LRBA: variants seen among roughly 807,000 people sequenced by gnomAD.
LRBA encodes LPS responsive beige-like anchor protein.
In LRBA, 176 loss-of-function variants were observed where a neutral mutation model predicts 330.0. The ratio of observed to expected loss-of-function variants is 0.53; its 90% confidence interval spans 0.47 to 0.60. LRBA has a LOEUF of 0.60. LRBA is among the 20% of genes least tolerant of loss of function. The pLI is 0.00. For synonymous variants in LRBA, 1,230 were observed against 1,193.0 expected (o/e 1.03, Z -0.64); for missense variants, 3,259 against 3,444.8 (o/e 0.95, Z 1.35).
chr4:150,657,100 G>T (rs1188672119), intron 37 of LRBA, among the ~76,000 whole-genome samples: 1 of 152,136 alleles, frequency 6.6e-6, no homozygotes, highest in Non-Finnish European at 1.5e-5. Context: ...CACAGAAGGG[G>T]GAAGTACAAG....
At chr4:150,905,777 C>T in intron 13 of LRBA, 61 bp downstream of exon 13, 1 of 1,387,408 alleles carries the variant, frequency 7.2e-7, no homozygotes, top group Non-Finnish European at 9.9e-7. Flanking sequence ...AATTATCACT[C>T]TCCTCACGCA....
At chr4:150,818,746 T>C (rs1224357178) in intron 30 of LRBA, among the ~76,000 whole-genome samples, 1 of 152,038 alleles carries the variant, frequency 6.6e-6, no homozygotes, top group Non-Finnish European at 1.5e-5. Flanking sequence ...ACTTTCACAT[T>C]TGTTCACAAA....
At chr4:150,600,987 G>T (rs2126520569) in intron 37 of LRBA, among the ~76,000 whole-genome samples, 1 of 152,296 alleles carries the variant, frequency 6.6e-6, no homozygotes, top group South Asian at 2.1e-4. Context: ...GCCTTCAGGG[G>T]AATGATACAA....
At chr4:150,630,991 T>C (rs773797690) in intron 37 of LRBA, among the ~76,000 whole-genome samples, 3 of 152,122 alleles carry the variant, frequency 2.0e-5, no homozygotes, top group Non-Finnish European at 4.4e-5. Flanking sequence ...ATGGGTTTTG[T>C]ACAAACATAA....
chr4:150,837,498 A>T (rs1369917112), intron 28 of LRBA, among the ~76,000 whole-genome samples: 4 of 152,178 alleles, frequency 2.6e-5, no homozygotes, highest in African/African-American at 9.7e-5. Flanking sequence ...GTGCATATAT[A>T]TTTAGGATAG....
rs1745196726 is a variant in LRBA at position 151,014,381 on chromosome 4, A to T, written c.216+46T>A. The stretch of plus-strand genomic sequence containing the variant: ...CTCCAGCTTTAAGATCTTGTTCCCC[A>T]ACCCACTGAAAAGAGTATATGCTTA... On this transcript the variant is annotated intron_variant, in intron 2 of 56. Coordinates refer to ENST00000651943, the MANE Select transcript of LRBA (RefSeq NM_001364905.1). 6.0e-6 allele frequency: 9 copies of T among 1,492,204 alleles called. No homozygotes were observed. The East Asian group carries it at 2.0e-4, about 34-fold the overall frequency. 92.4% of individuals were successfully genotyped at this position (1,492,204 alleles called of 1,614,324 possible).
Position 150,315,553 on chromosome 4 carries a change from T to C in LRBA, c.7693+8A>G, listed in dbSNP as rs761698788. Reference sequence around the variant, plus strand: ...AATGAATCGCAAAGAGAGAAGGAAGTGACAGACCTATGAGAGGATCGATTT... The same window carrying C: ...AATGAATCGCAAAGAGAGAAGGAAGCGACAGACCTATGAGAGGATCGATTT... On this transcript the variant is annotated splice_region_variant and intron_variant, in intron 51 of 56. Transcript: ENST00000651943. The C allele has an allele frequency of 6.2e-7, 1 of 1,610,646 alleles. No individual in the cohort carries two copies. The highest frequency in any genetic ancestry group is 2.2e-5 in the East Asian group (1 of 44,826).
intron 2 of LRBA, among the ~76,000 whole-genome samples, chr4:150,955,330 G>A (rs534392505): frequency 6.7e-6 from 1 of 149,196 alleles, no homozygotes; most frequent in Non-Finnish European, 1.5e-5. Context: ...GAATGAAAAT[G>A]AAGATACAAC....
intron 47 of LRBA, among the ~76,000 whole-genome samples, chr4:150,355,747 T>C (rs1737751465): frequency 2.0e-5 from 3 of 152,110 alleles, no homozygotes; most frequent in African/African-American, 2.4e-5. Context: ...GTATTTATAA[T>C]GAATGAAACA....
chr4:150,802,346 G>C (rs569502888), intron 33 of LRBA, among the ~76,000 whole-genome samples: 1 of 149,678 alleles, frequency 6.7e-6, no homozygotes, highest in Non-Finnish European at 1.5e-5. Flanking sequence ...TCTAGCATTC[G>C]TGGGTTTTTT....
chr4:150,492,648 A>G (rs1008670562), intron 40 of LRBA, among the ~76,000 whole-genome samples: 4 of 152,164 alleles, frequency 2.6e-5, no homozygotes, highest in African/African-American at 4.8e-5. Flanking sequence ...AGATCACATC[A>G]TTCCTATATT....
At chr4:150,671,534 A>G (rs1782067429) in intron 37 of LRBA, among the ~76,000 whole-genome samples, 1 of 152,216 alleles carries the variant, frequency 6.6e-6, no homozygotes, top group African/African-American at 2.4e-5. Context: ...ACATGTGATA[A>G]CAATTTTTAT....
At chr4:150,528,579 T>A (rs1219328248) in intron 40 of LRBA, among the ~76,000 whole-genome samples, 4 of 152,110 alleles carry the variant, frequency 2.6e-5, no homozygotes, top group African/African-American at 4.8e-5. Flanking sequence ...TAAGTTTTTT[T>A]AAATAGCAGC....
chr4:150,824,532 T>C (rs1745947208), intron 30 of LRBA, among the ~76,000 whole-genome samples: 1 of 152,222 alleles, frequency 6.6e-6, no homozygotes, highest in Non-Finnish European at 1.5e-5. Context: ...CTGTTCCATA[T>C]GATACTAGCT....
At chr4:150,615,141 C>T (rs183126574) in intron 37 of LRBA, among the ~76,000 whole-genome samples, 1 of 152,182 alleles carries the variant, frequency 6.6e-6, no homozygotes. Context: ...GAGGCAGACA[C>T]ACTTGGTGAA....
At chr4:150,559,947 A>AT (rs1323521530) in intron 40 of LRBA, among the ~76,000 whole-genome samples, 1 of 101,002 alleles carries the variant, frequency 9.9e-6, no homozygotes, top group Non-Finnish European at 1.8e-5. Context: ...TATCTATATA[A>AT]ATATATATAT....
chr4:150,524,090 G>T (rs1763208115), intron 40 of LRBA, among the ~76,000 whole-genome samples: 1 of 152,160 alleles, frequency 6.6e-6, no homozygotes, highest in African/African-American at 2.4e-5. Context: ...TTTCAAGGTT[G>T]TTTTAAGCTT....
chr4:150,881,131 T>C (rs771197213), intron 17 of LRBA, among the ~76,000 whole-genome samples: 4 of 152,142 alleles, frequency 2.6e-5, no homozygotes, highest in South Asian at 2.1e-4. Flanking sequence ...TCAAAAAACT[T>C]TGAACTACCA....
At chr4:150,299,783 C>T (rs908870675) in intron 53 of LRBA, among the ~76,000 whole-genome samples, 5 of 151,924 alleles carry the variant, frequency 3.3e-5, no homozygotes, top group Non-Finnish European at 7.4e-5. Context: ...TTTCTTTTAT[C>T]TATTTTCCCT....
Sources: allele counts gnomAD v4.1 joint callset (sites outside exome capture counted in the v4.1 genomes callset), GRCh38; gene constraint gnomAD v4.1.1; transcripts MANE v1.5; gene names NCBI Gene and HGNC (gene_info 2026-07-23, HGNC 2026-07-21).